SLC3A1: variants seen among roughly 807,000 people sequenced by gnomAD.
SLC3A1 encodes solute carrier family 3 member 1, also known as amino acid transporter heavy chain SLC3A1.
In SLC3A1, 78 loss-of-function variants were observed where a neutral mutation model predicts 60.3. The observed-to-expected ratio is 1.29, with a 90% CI of 1.08 to 1.56. The LOEUF is 1.56. SLC3A1 is among the 40% of genes most tolerant of loss of function. The pLI, the probability that SLC3A1 is intolerant of heterozygous loss-of-function variation, is 0.00. For missense variants in SLC3A1, 1,172 were observed against 858.9 expected (o/e 1.36, Z -4.56); for synonymous variants, 392 against 307.9 (o/e 1.27, Z -2.86).
At chr2:44,315,341 T>A (rs893640458) in intron 9 of SLC3A1, 3 of 151,896 alleles carry the variant, frequency 2.0e-5, no homozygotes, top group Non-Finnish European at 4.4e-5. Context: ...TTTAAGTAAT[T>A]TCTAAAATAC....
At chr2:44,293,625 G>C (rs889333548) in intron 4 of SLC3A1, among the ~76,000 whole-genome samples, 1 of 152,182 alleles carries the variant, frequency 6.6e-6, no homozygotes, top group African/African-American at 2.4e-5. Flanking sequence ...AGCTCAGGCA[G>C]GTGTTTGGTG....
In SLC3A1 at chr2:44,278,574, G is replaced by A. The variant is rs997057272; in HGVS notation, c.431-2142G>A. Among the ~76,000 whole-genome samples, 6 of 152,270 alleles carry A rather than the reference G, an allele frequency of 3.9e-5. No homozygotes were observed. The South Asian group carries it at 6.2e-4, about 16-fold the overall frequency. ...TTGGAATTAGTGACCTTCAGCCTGC[G>A]GTGTGGCCTCTGACAGTCTAATTCT... On this transcript the variant is annotated intron_variant, in intron 1 of 9. Coordinates refer to ENST00000260649, the MANE Select transcript of SLC3A1 (RefSeq NM_000341.4).
In SLC3A1 at chr2:44,321,251, T is replaced by G; in HGVS notation, c.*612T>G. 1 of 1,002,348 alleles carries G rather than the reference T, an allele frequency of 1.0e-6. No homozygotes were observed. Among genetic ancestry groups the G allele is most frequent in the Middle Eastern group, 2.9e-4 (1 of 3,488 alleles). The allele number at this position is 1,002,348 out of a possible 1,614,324, so 62.1% of individuals were successfully genotyped here. On this transcript the variant is annotated 3_prime_UTR_variant, in exon 10 of 10. Coordinates refer to ENST00000260649, the MANE Select transcript of SLC3A1 (RefSeq NM_000341.4). ...GGAGAAGCACATTTTAAAAAATTAA[T>G]AACTTAAAAGTCTCAAGTTATTAAT...
chr2:44,294,162 C>A (rs543662106), intron 4 of SLC3A1, among the ~76,000 whole-genome samples: 1 of 151,948 alleles, frequency 6.6e-6, no homozygotes, highest in African/African-American at 2.4e-5. Flanking sequence ...TTCCAGAAGA[C>A]GAGATTGGTC....
intron 4 of SLC3A1, among the ~76,000 whole-genome samples, chr2:44,294,038 G>A (rs1477795122): frequency 6.6e-6 from 1 of 152,118 alleles, no homozygotes; most frequent in East Asian, 1.9e-4. Flanking sequence ...GTGCAATGTC[G>A]AGAGGGTGTA....
At chr2:44,310,221 G>C (rs1461843835) in intron 7 of SLC3A1, among the ~76,000 whole-genome samples, 1 of 152,100 alleles carries the variant, frequency 6.6e-6, no homozygotes, top group African/African-American at 2.4e-5. Flanking sequence ...CTGTGATTTT[G>C]AGGAACTACC....
chr2:44,310,652 C>A (rs1363528297), intron 7 of SLC3A1, among the ~76,000 whole-genome samples: 1 of 152,028 alleles, frequency 6.6e-6, no homozygotes, highest in South Asian at 2.1e-4. Context: ...TTCTTAGATA[C>A]ACAATTTTTA....
chr2:44,302,489 T>G lies in SLC3A1; in HGVS notation c.1136+1362T>G, dbSNP rs575845083. ...GTCTCCATTTTATAGACAAGGAAAC[T>G]GAGGCTCTGAGCATGTAAGTAATGT... is the stretch of plus-strand genomic sequence containing the variant. On this transcript the variant is annotated intron_variant, in intron 6 of 9. Coordinates refer to ENST00000260649, the MANE Select transcript of SLC3A1 (RefSeq NM_000341.4). 4.6e-5 allele frequency among the ~76,000 whole-genome samples: 7 copies of G among 152,366 alleles called. No homozygotes were observed. The South Asian group carries it at 1.4e-3, about 32-fold the overall frequency.
chr2:44,307,159 T>C (rs1388301444), intron 7 of SLC3A1, among the ~76,000 whole-genome samples: 1 of 152,220 alleles, frequency 6.6e-6, no homozygotes, highest in East Asian at 1.9e-4. Context: ...GGTTTATCCA[T>C]GTTGTAGTAT....
intron 4 of SLC3A1, among the ~76,000 whole-genome samples, chr2:44,286,906 T>C (rs1279520587): frequency 2.6e-5 from 4 of 152,184 alleles, no homozygotes; most frequent in African/African-American, 7.2e-5. Flanking sequence ...GTCTGGCTCC[T>C]GCATCTAAAA....
At chr2:44,307,300 T>C (rs1165937547) in intron 7 of SLC3A1, among the ~76,000 whole-genome samples, 1 of 152,246 alleles carries the variant, frequency 6.6e-6, no homozygotes, top group Non-Finnish European at 1.5e-5. Context: ...CTATGGACAT[T>C]TGTGTACAAG....
chr2:44,303,644 A>T (rs1409155615), intron 6 of SLC3A1, among the ~76,000 whole-genome samples: 1 of 151,950 alleles, frequency 6.6e-6, no homozygotes, highest in Non-Finnish European at 1.5e-5. Context: ...GGTTTGTTAC[A>T]TAGGTATACA....
intron 4 of SLC3A1, among the ~76,000 whole-genome samples, chr2:44,293,958 A>AT (rs1322293528): frequency 2.2e-5 from 1 of 46,262 alleles, no homozygotes. Flanking sequence ...TTAGGATGCT[A>AT]TTTTTTTTAC....
At chr2:44,305,010 T>C (rs1010146212) in intron 7 of SLC3A1, among the ~76,000 whole-genome samples, 8 of 151,596 alleles carry the variant, frequency 5.3e-5, no homozygotes, top group Middle Eastern at 3.2e-3. Context: ...TTTGTATTTT[T>C]AGTAGGGAGG....
In SLC3A1 at chr2:44,320,687, A is replaced by C; in HGVS notation, c.*48A>C. The C allele has an allele frequency of 2.1e-6, 3 of 1,423,104 alleles. No homozygotes were observed. The highest frequency in any genetic ancestry group is 3.0e-6 in the Non-Finnish European group (3 of 1,006,516). The allele number at this position is 1,423,104 out of a possible 1,614,324, so 88.2% of individuals were successfully genotyped here. ...ACACTGGCATTTCAGTGGGATTGTAAGCATTTGTAATAGCTTCATGTACAG... is the reference window on the plus strand; with the variant it reads ...ACACTGGCATTTCAGTGGGATTGTACGCATTTGTAATAGCTTCATGTACAG... On this transcript the variant is annotated 3_prime_UTR_variant, in exon 10 of 10. Transcript: ENST00000260649.
chr2:44,302,459 ACT>A (rs1360704352), intron 6 of SLC3A1, among the ~76,000 whole-genome samples: 54 of 152,274 alleles, frequency 3.5e-4, no homozygotes, highest in Middle Eastern at 3.4e-3. Context: ...TACTCCGATT[ACT>A]CTGTCTCCAT....
At chr2:44,317,533 C>T in intron 9 of SLC3A1, 1 of 151,832 alleles carries the variant, frequency 6.6e-6, no homozygotes, top group East Asian at 1.9e-4. Flanking sequence ...TATTGGATGG[C>T]TCTGATATAG....
chr2:44,308,714 A>C (rs1324086024), intron 7 of SLC3A1, among the ~76,000 whole-genome samples: 1 of 151,690 alleles, frequency 6.6e-6, no homozygotes, highest in Non-Finnish European at 1.5e-5. Context: ...CTAATAGTTT[A>C]TTGTGAATTC....
chr2:44,279,946 G>A (rs1004670239), intron 1 of SLC3A1, among the ~76,000 whole-genome samples: 4 of 152,066 alleles, frequency 2.6e-5, no homozygotes, highest in African/African-American at 9.7e-5. Flanking sequence ...TTCCCTTACA[G>A]CACATCTCAA....
Sources: allele counts gnomAD v4.1 joint callset (sites outside exome capture counted in the v4.1 genomes callset), GRCh38; gene constraint gnomAD v4.1.1; transcripts MANE v1.5; gene names NCBI Gene and HGNC (gene_info 2026-07-23, HGNC 2026-07-21).